Variants in MED12L observed in about 807,000 individuals in gnomAD.
MED12L encodes the protein mediator of RNA polymerase II transcription subunit 12-like protein.
Under a neutral mutation model 281.3 loss-of-function variants are expected in MED12L, and 60 were observed. The ratio of observed to expected loss-of-function variants is 0.21; its 90% confidence interval spans 0.17 to 0.26. MED12L has a LOEUF of 0.26. MED12L is among the 10% of genes least tolerant of loss of function. The pLI is 1.00. For missense variants in MED12L, 2,146 were observed against 2,680.9 expected (o/e 0.80, Z 4.41); for synonymous variants, 974 against 987.2 (o/e 0.99, Z 0.25).
At chr3:151,226,590 G>A (rs754163940) in intron 16 of MED12L, among the ~76,000 whole-genome samples, 5 of 151,904 alleles carry the variant, frequency 3.3e-5, no homozygotes, top group East Asian at 1.9e-4. Flanking sequence ...TGCTGGAGTC[G>A]CATCTTGAGA....
intron 20 of MED12L, among the ~76,000 whole-genome samples, chr3:151,358,735 T>C (rs1238306010): frequency 2.0e-5 from 3 of 152,322 alleles, no homozygotes; most frequent in East Asian, 3.9e-4. Context: ...TGCTTAAAAC[T>C]ATTATTTCAC....
chr3:151,396,219 T>G (rs1577554517), intron 39 of MED12L, among the ~76,000 whole-genome samples: 1 of 150,072 alleles, frequency 6.7e-6, no homozygotes, highest in African/African-American at 2.5e-5. Context: ...AGCTCTTTTT[T>G]GGGAATCAGC....
chr3:151,329,261 G>T (rs1490073291), intron 16 of MED12L, among the ~76,000 whole-genome samples: 2 of 152,080 alleles, frequency 1.3e-5, no homozygotes, highest in South Asian at 2.1e-4. Flanking sequence ...AACAGGTTCT[G>T]CCTCATTCAC....
In MED12L at chr3:151,163,988, G is replaced by C. The variant is rs1284994422; in HGVS notation, c.1203G>C (p.Gln401His). Reference protein sequence around the residue: ...ANPGSPLDLLQVAPSSLPMPG... With the variant: ...ANPGSPLDLLHVAPSSLPMPG... ...CAGGCTCACCCCTGGATCTGCTGCA[G>C]GTGGCCCCGTCCAGCCTCCCCATGC... The change falls in exon 9 of 45, where the codon CAG (glutamine) becomes CAC (histidine). Residue 401 changes from glutamine to histidine, a missense_variant. By Grantham distance (24) the Gln-to-His change is conservative. Coordinates refer to ENST00000687756, the MANE Select transcript of MED12L (RefSeq NM_001393769.1). The C allele has an allele frequency of 6.2e-7, 1 of 1,613,782 alleles. No individual in the cohort carries two copies. The highest frequency in any genetic ancestry group is 1.7e-5 in the Admixed American group (1 of 59,968).
intron 16 of MED12L, among the ~76,000 whole-genome samples, chr3:151,216,680 C>G (rs1246383714): frequency 6.6e-6 from 1 of 152,158 alleles, no homozygotes; most frequent in Admixed American, 6.5e-5. Flanking sequence ...TCCCTGTAGC[C>G]TTGTGTGCTT....
At chr3:151,223,175 C>CAAAAAAA (rs10646837) in intron 16 of MED12L, among the ~76,000 whole-genome samples, 43 of 127,114 alleles carry the variant, frequency 3.4e-4, no homozygotes, top group African/African-American at 1.1e-3. Flanking sequence ...TTAAAAAGTC[C>CAAAAAAA]AAAAAAAAAA....
At chr3:151,368,664 C>T (rs1356710817) in intron 25 of MED12L, among the ~76,000 whole-genome samples, 8 of 62,892 alleles carry the variant, frequency 1.3e-4, no homozygotes, top group South Asian at 6.3e-4. Context: ...CATTTCATTT[C>T]ATTTCATTTC....
intron 11 of MED12L, among the ~76,000 whole-genome samples, chr3:151,172,477 G>C (rs1013746902): frequency 6.6e-6 from 1 of 152,256 alleles, no homozygotes; most frequent in Non-Finnish European, 1.5e-5. Context: ...GGCACACACA[G>C]ATACCCATCA....
chr3:151,118,897 G>A (rs1713297710), intron 3 of MED12L, among the ~76,000 whole-genome samples: 1 of 152,106 alleles, frequency 6.6e-6, no homozygotes, highest in Non-Finnish European at 1.5e-5. Context: ...ATGTTGGCCA[G>A]GATGGTCTCG....
intron 43 of MED12L, among the ~76,000 whole-genome samples, chr3:151,424,511 C>T (rs1167207033): frequency 2.0e-5 from 3 of 151,792 alleles, no homozygotes; most frequent in Non-Finnish European, 2.9e-5. Flanking sequence ...CCCAGCTACC[C>T]GGGAGGCTGA....
intron 16 of MED12L, among the ~76,000 whole-genome samples, chr3:151,321,378 TC>T (rs1748977608): frequency 6.6e-6 from 1 of 152,092 alleles, no homozygotes; most frequent in Non-Finnish European, 1.5e-5. Flanking sequence ...GGATAAAGCT[TC>T]ATTCATTCAC....
intron 16 of MED12L, among the ~76,000 whole-genome samples, chr3:151,287,128 A>G (rs1445375315): frequency 6.6e-6 from 1 of 152,206 alleles, no homozygotes. Context: ...ATGTTATTAG[A>G]AAATAATCAG....
chr3:151,148,464 C>T (rs879601954), intron 5 of MED12L, among the ~76,000 whole-genome samples: 1 of 152,170 alleles, frequency 6.6e-6, no homozygotes, highest in Non-Finnish European at 1.5e-5. Flanking sequence ...TTTTTTCTCT[C>T]ATTCAGTCTG....
intron 16 of MED12L, chr3:151,336,694 T>C (rs916030480): frequency 2.8e-6 from 1 of 351,460 alleles, no homozygotes; most frequent in South Asian, 2.2e-5. Flanking sequence ...TTGAACTTAT[T>C]GAAATGAGAA....
At chr3:151,417,487 C>CCCCTTTTTTT (rs1717736742) in intron 43 of MED12L, among the ~76,000 whole-genome samples, 1 of 78,818 alleles carries the variant, frequency 1.3e-5, no homozygotes, top group African/African-American at 5.0e-5. Flanking sequence ...CCCCCCCCGC[C>CCCCTTTTTTT]TTTTTTTTTT....
intron 2 of MED12L, among the ~76,000 whole-genome samples, chr3:151,093,710 A>G (rs982703770): frequency 3.9e-5 from 6 of 152,176 alleles, no homozygotes; most frequent in African/African-American, 7.2e-5. Context: ...TGAAATAGCT[A>G]TATCTCCCTT....
At chr3:151,241,536 T>G (rs1734078252) in intron 16 of MED12L, among the ~76,000 whole-genome samples, 1 of 152,164 alleles carries the variant, frequency 6.6e-6, no homozygotes, top group South Asian at 2.1e-4. Context: ...TGTGGAGAGA[T>G]GCAAATGCTA....
At chr3:151,380,053 C>T in intron 31 of MED12L, 60 bp from the exon 32 acceptor site, 1 of 1,050,756 alleles carries the variant, frequency 9.5e-7, no homozygotes, top group Non-Finnish European at 1.4e-6. Flanking sequence ...ATGAATGTTG[C>T]CAGAGGAAGT....
intron 16 of MED12L, among the ~76,000 whole-genome samples, chr3:151,282,783 G>A (rs973055538): frequency 6.6e-6 from 1 of 152,210 alleles, no homozygotes; most frequent in African/African-American, 2.4e-5. Context: ...TCCTAATTTA[G>A]TGTGCTGTAA....
Sources: gnomAD v4.1 joint callset for allele counts (sites outside exome capture counted in the v4.1 genomes callset) on GRCh38, gnomAD v4.1.1 for gene constraint, MANE v1.5 for transcripts, NCBI Gene and HGNC (gene_info 2026-07-23, HGNC 2026-07-21) for gene names.